Variants in PLB1 observed in about 807,000 individuals in gnomAD.
PLB1 encodes phospholipase B1.
Under a neutral mutation model 227.4 loss-of-function variants are expected in PLB1, and 242 were observed. The observed-to-expected ratio is 1.06, with a 90% confidence interval of 0.96 to 1.18. The LOEUF is 1.18. Among genes scored for constraint, PLB1 ranks in the 50% most tolerant of loss-of-function variants. The pLI is 0.00. For missense variants in PLB1, 1,858 were observed against 1,816.3 expected, an observed-to-expected ratio of 1.02 and a Z score of -0.42; for synonymous variants, 757 against 682.2, an observed-to-expected ratio of 1.11 and a Z score of -1.71.
At chr2:28,538,240 G>T in intron 9 of PLB1, 79 bp from the exon 10 acceptor site, 1 of 1,567,972 alleles carries the variant, frequency 6.4e-7, no homozygotes, top group African/African-American at 1.4e-5. Context: ...GGCAGGGATG[G>T]GCCTGTTGTG....
chr2:28,562,050 A>C (rs1266774562), intron 17 of PLB1, among the ~76,000 whole-genome samples: 1 of 152,194 alleles, frequency 6.6e-6, no homozygotes, highest in Non-Finnish European at 1.5e-5. Context: ...GCAGAAAGCA[A>C]GTTTTTGGTT....
rs554360210 is a variant in PLB1 at position 28,629,161 on chromosome 2, G to A, written c.3794G>A (p.Gly1265Glu). 7.4e-6 allele frequency: 12 copies of A among 1,613,754 alleles called. No individual in the cohort carries two copies. The highest frequency in any genetic ancestry group is 3.3e-4 in the Middle Eastern group (2 of 6,054). Residue 1265 changes from glycine to glutamate, a missense_variant, in exon 53 of 58, where the codon GGG (glycine) becomes GAG (glutamate). Transcript: ENST00000327757. ...GCTAGCCTGTACCAGGGCCAAGGCG[G>A]GAAATGTGCCATGCTGGCAGCTCAG... ...ELASLYQGQG[G>E]KCAMLAAQNN...
At chr2:28,552,811 G>A (rs1325462913) in intron 16 of PLB1, 117 bp from the exon 17 acceptor site, 2 of 796,844 alleles carry the variant, frequency 2.5e-6, no homozygotes, top group Admixed American at 2.0e-5. Flanking sequence ...AATCTTAAAT[G>A]ACATCAAAGT....
intron 17 of PLB1, 119 bp downstream of exon 17, chr2:28,553,110 C>T (rs1674507869): frequency 2.5e-6 from 2 of 804,404 alleles, no homozygotes; most frequent in Non-Finnish European, 4.2e-6. Flanking sequence ...ACAGAAATAA[C>T]TCTGTATGTA....
intron 41 of PLB1, among the ~76,000 whole-genome samples, chr2:28,605,617 A>C (rs1249182343): frequency 6.6e-6 from 1 of 152,170 alleles, no homozygotes; most frequent in Non-Finnish European, 1.5e-5. Context: ...CTTCTAATTG[A>C]ATAAGGGGCA....
chr2:28,551,455 A>G (rs1315383219), intron 16 of PLB1, among the ~76,000 whole-genome samples: 1 of 152,206 alleles, frequency 6.6e-6, no homozygotes, highest in Non-Finnish European at 1.5e-5. Flanking sequence ...TTCCCTCCCT[A>G]TTTTATGGAA....
intron 21 of PLB1, among the ~76,000 whole-genome samples, chr2:28,575,252 C>T (rs2148259039): frequency 6.6e-6 from 1 of 152,208 alleles, no homozygotes; most frequent in African/African-American, 2.4e-5. Flanking sequence ...TTTGCATTTC[C>T]CTGACACTTT....
At chr2:28,564,906 G>A (rs1175770075) in intron 18 of PLB1, among the ~76,000 whole-genome samples, 1 of 152,280 alleles carries the variant, frequency 6.6e-6, no homozygotes, top group Non-Finnish European at 1.5e-5. Flanking sequence ...GGATAATGAT[G>A]TATTTCCTTT....
At chr2:28,542,203 C>T (rs1672605474) in intron 13 of PLB1, among the ~76,000 whole-genome samples, 1 of 152,034 alleles carries the variant, frequency 6.6e-6, no homozygotes, top group Non-Finnish European at 1.5e-5. Context: ...TTCCTGCCCC[C>T]TCTTCCACCT....
At chr2:28,520,472 T>C (rs1003159666) in intron 4 of PLB1, among the ~76,000 whole-genome samples, 3 of 152,224 alleles carry the variant, frequency 2.0e-5, no homozygotes, top group African/African-American at 7.2e-5. Context: ...GGTAAATACA[T>C]AGAACACAAA....
intron 14 of PLB1, among the ~76,000 whole-genome samples, chr2:28,543,481 G>T (rs1319212058): frequency 2.0e-5 from 3 of 152,226 alleles, no homozygotes; most frequent in Non-Finnish European, 4.4e-5. Context: ...AGCCAGGCCA[G>T]TGAGCAGCAA....
intron 23 of PLB1, among the ~76,000 whole-genome samples, chr2:28,581,596 T>A (rs1233329991): frequency 3.3e-5 from 5 of 151,800 alleles, no homozygotes. Context: ...AACCTGAGGA[T>A]CATGGGGCTG....
intron 29 of PLB1, among the ~76,000 whole-genome samples, chr2:28,590,637 A>G (rs1156375092): frequency 6.6e-6 from 1 of 152,108 alleles, no homozygotes; most frequent in South Asian, 2.1e-4. Flanking sequence ...ATCCCTCTGT[A>G]TACCCAGAGG....
chr2:28,604,777 A>G lies in PLB1; in HGVS notation c.2961+18A>G, dbSNP rs36116681. ...TCCTGGCGGTATGTCCCCTGCCCTC[A>G]CCCATGGTACTCTTTTAGAGGAAGA... On this transcript the variant is annotated intron_variant, in intron 41 of 57. Coordinates refer to ENST00000327757, the MANE Select transcript of PLB1 (RefSeq NM_153021.5). 154,573 of 1,601,302 alleles carry G rather than the reference A, an allele frequency of 0.097. 8,745 individuals carry two copies. Among genetic ancestry groups the G allele is most frequent in the Non-Finnish European group, 0.11 (132,854 of 1,170,542 alleles).
Position 28,543,254 on chromosome 2 carries a change from C to T in PLB1, c.922C>T (p.Leu308Phe). The T allele has an allele frequency of 6.2e-7, 1 of 1,612,554 alleles. No homozygotes were observed. The highest frequency in any genetic ancestry group is 8.5e-7 in the Non-Finnish European group (1 of 1,179,456). Residue 308 changes from leucine (L) to phenylalanine (F), a missense_variant, in exon 14 of 58, where the codon CTC becomes TTC. Physicochemically the swap from Leu to Phe is conservative, Grantham distance 22. Coordinates refer to ENST00000327757, the MANE Select transcript of PLB1 (RefSeq NM_153021.5). Reference protein sequence around the residue: ...LQDSTTLAWHLWNRMMEPAGE... With the variant: ...LQDSTTLAWHFWNRMMEPAGE... Reference sequence around the variant, plus strand: ...GGATTCTACCACGCTGGCCTGGCATCTCTGGAATAGGATGGTGAGTAGATG... The same window carrying T: ...GGATTCTACCACGCTGGCCTGGCATTTCTGGAATAGGATGGTGAGTAGATG...
intron 33 of PLB1, among the ~76,000 whole-genome samples, chr2:28,596,465 A>G (rs756862239): frequency 3.3e-5 from 5 of 152,250 alleles, no homozygotes; most frequent in Non-Finnish European, 5.9e-5. Flanking sequence ...ACCTTTAAAC[A>G]AGAAATTACA....
chr2:28,559,365 G>A (rs551333615), intron 17 of PLB1, among the ~76,000 whole-genome samples: 64 of 152,360 alleles, frequency 4.2e-4, no homozygotes, highest in African/African-American at 1.5e-3. Context: ...TGATTCCGAT[G>A]CAGGCTCAAT....
chr2:28,636,626 A>G (rs1347661313), intron 56 of PLB1, among the ~76,000 whole-genome samples: 1 of 152,184 alleles, frequency 6.6e-6, no homozygotes, highest in Non-Finnish European at 1.5e-5. Flanking sequence ...GCACATTCAT[A>G]CTAAGGAATA....
intron 12 of PLB1, among the ~76,000 whole-genome samples, chr2:28,541,064 A>G (rs11674870): frequency 0.9 from 136,477 of 152,082 alleles, 61,526 homozygotes; most frequent in East Asian, 0.99. Context: ...CCACCTACTC[A>G]GGAGGCTGAG....
Sources: gnomAD v4.1 joint callset for allele counts (sites outside exome capture counted in the v4.1 genomes callset) on GRCh38, gnomAD v4.1.1 for gene constraint, MANE v1.5 for transcripts, NCBI Gene and HGNC (gene_info 2026-07-23, HGNC 2026-07-21) for gene names.